Variants in ARMC9 observed in about 807,000 individuals in gnomAD.
The protein encoded by ARMC9 is armadillo repeat containing 9.
Under a neutral mutation model 107.0 loss-of-function variants are expected in ARMC9, and 94 were observed. The observed-to-expected ratio is 0.88, with a 90% CI of 0.74 to 1.04. The LOEUF is 1.04. ARMC9 is among the 50% of genes least tolerant of loss of function. The pLI, the probability that ARMC9 is intolerant of heterozygous loss-of-function variation, is 0.00. For synonymous variants in ARMC9, 380 were observed against 396.9 expected (o/e 0.96, Z 0.51); for missense variants, 942 against 1,030.1 (o/e 0.91, Z 1.17).
At chr2:231,248,579 C>T (rs372517748) in intron 9 of ARMC9, among the ~76,000 whole-genome samples, 19 of 151,910 alleles carry the variant, frequency 1.3e-4, no homozygotes, top group Admixed American at 2.6e-4. Flanking sequence ...GAGGCCGAGG[C>T]GGGCGGATCA....
intron 12 of ARMC9, 143 bp from the exon 13 acceptor site, chr2:231,270,839 A>G: frequency 2.7e-6 from 2 of 753,708 alleles, no homozygotes; most frequent in Admixed American, 4.2e-5. Context: ...CAAGGATTCC[A>G]GATGAAATGT....
intron 14 of ARMC9, 149 bp from the exon 15 acceptor site, chr2:231,276,487 C>T: frequency 9.6e-7 from 1 of 1,046,414 alleles, no homozygotes; most frequent in South Asian, 1.6e-5. Flanking sequence ...CCAGGCTTGT[C>T]TCCAACTCCT....
At chr2:231,342,630 G>A (rs781615447) in intron 20 of ARMC9, among the ~76,000 whole-genome samples, 17 of 152,098 alleles carry the variant, frequency 1.1e-4, no homozygotes, top group Non-Finnish European at 1.9e-4. Flanking sequence ...TGATGAGAGC[G>A]TGTAAAGCCG....
At chr2:231,340,488 C>CT (rs1337542245) in intron 20 of ARMC9, among the ~76,000 whole-genome samples, 1 of 152,148 alleles carries the variant, frequency 6.6e-6, no homozygotes, top group African/African-American at 2.4e-5. Flanking sequence ...CACAAATACT[C>CT]TAACAACATA....
chr2:231,355,674 A>T (rs1001236853), intron 21 of ARMC9, 124 bp from the exon 22 acceptor site: 6 of 1,214,530 alleles, frequency 4.9e-6, no homozygotes, highest in African/African-American at 1.5e-5. Context: ...TGATATGCTA[A>T]TGATGGTTTA....
intron 10 of ARMC9, among the ~76,000 whole-genome samples, chr2:231,258,564 G>A (rs1440160583): frequency 6.6e-6 from 1 of 152,110 alleles, no homozygotes. Context: ...GAGGAACAGT[G>A]GCTTCAGGTG....
chr2:231,359,493 G>C (rs1230863846), intron 22 of ARMC9, among the ~76,000 whole-genome samples: 2 of 152,076 alleles, frequency 1.3e-5, no homozygotes, highest in Non-Finnish European at 1.5e-5. Context: ...TCATGGTCTT[G>C]GGACACTCCA....
In ARMC9 at chr2:231,237,175, C is replaced by CGTGTGTGTGTGTGT. The variant is rs58607252; in HGVS notation, c.780+1813_780+1826dup. Among the ~76,000 whole-genome samples, 1,075 of 148,788 alleles carry CGTGTGTGTGTGTGT rather than the reference C, an allele frequency of 7.2e-3. 14 individuals are homozygous for CGTGTGTGTGTGTGT. The highest frequency in any genetic ancestry group is 0.022 in the African/African-American group (876 of 40,666). On this transcript the variant is annotated intron_variant, in intron 8 of 24. Transcript: ENST00000611582. ...ATTTTAGAACATTTCTCTGCGTATG[C>CGTGTGTGTGTGTGT]GTGTGTGTGTGTGTGTGTGTGTGTG...
intron 3 of ARMC9, among the ~76,000 whole-genome samples, chr2:231,213,742 T>G (rs964095989): frequency 2.0e-5 from 3 of 152,166 alleles, no homozygotes; most frequent in Non-Finnish European, 4.4e-5. Flanking sequence ...CCCGAAGTGC[T>G]GGGATTACAG....
intron 17 of ARMC9, among the ~76,000 whole-genome samples, chr2:231,286,269 C>A (rs1245483588): frequency 6.6e-5 from 10 of 152,180 alleles, no homozygotes; most frequent in Admixed American, 5.9e-4. Context: ...GTGCCCACCA[C>A]CATGCCCGGC....
intron 8 of ARMC9, among the ~76,000 whole-genome samples, chr2:231,239,022 A>T (rs1232650604): frequency 6.6e-6 from 1 of 152,170 alleles, no homozygotes; most frequent in Non-Finnish European, 1.5e-5. Context: ...TTCTACTGCC[A>T]TATGGAAGTT....
chr2:231,261,571 T>C (rs2038344620), intron 11 of ARMC9, among the ~76,000 whole-genome samples: 1 of 152,180 alleles, frequency 6.6e-6, no homozygotes, highest in Non-Finnish European at 1.5e-5. Context: ...CACTGTGCCC[T>C]GTATTATACT....
chr2:231,308,479 G>C (rs1283506233), intron 19 of ARMC9, among the ~76,000 whole-genome samples: 2 of 152,142 alleles, frequency 1.3e-5, no homozygotes, highest in Non-Finnish European at 2.9e-5. Flanking sequence ...GGACCTGCAG[G>C]AGTTGGGAAC....
At chr2:231,319,298 G>A (rs2042873937) in intron 19 of ARMC9, among the ~76,000 whole-genome samples, 1 of 152,138 alleles carries the variant, frequency 6.6e-6, no homozygotes, top group Non-Finnish European at 1.5e-5. Flanking sequence ...GAACATCCAG[G>A]TGGAAGTGGC....
chr2:231,293,683 T>TC (rs1334779606), intron 18 of ARMC9: 6 of 152,366 alleles, frequency 3.9e-5, no homozygotes, highest in African/African-American at 1.4e-4. Flanking sequence ...TCTGGAAGGC[T>TC]TGGGAAATAC....
At chr2:231,256,061 A>T (rs2037760282) in intron 9 of ARMC9, 1 of 1,525,018 alleles carries the variant, frequency 6.6e-7, no homozygotes, top group Non-Finnish European at 8.8e-7. Context: ...AAACAAAAAA[A>T]CCGCCTCTCC....
chr2:231,311,770 CAAAAAA>C (rs56713732), intron 19 of ARMC9, among the ~76,000 whole-genome samples: 4 of 60,648 alleles, frequency 6.6e-5, no homozygotes, highest in East Asian at 4.5e-4. Context: ...ACTCCATCGC[CAAAAAA>C]AAAAAAAAAA....
chr2:231,369,546 G>C (rs1046678981), intron 23 of ARMC9, among the ~76,000 whole-genome samples: 1 of 151,298 alleles, frequency 6.6e-6, no homozygotes, highest in South Asian at 2.1e-4. Flanking sequence ...CGCCCGCCTC[G>C]GCCTCCCAAA....
intron 6 of ARMC9, among the ~76,000 whole-genome samples, chr2:231,225,975 G>A (rs1337761012): frequency 6.6e-6 from 1 of 152,160 alleles, no homozygotes; most frequent in Non-Finnish European, 1.5e-5. Flanking sequence ...TCCTGCCTCA[G>A]CCTCCCAAGT....
Sources: gnomAD v4.1 joint callset for allele counts (sites outside exome capture counted in the v4.1 genomes callset) on GRCh38, gnomAD v4.1.1 for gene constraint, MANE v1.5 for transcripts, NCBI Gene and HGNC (gene_info 2026-07-23, HGNC 2026-07-21) for gene names.